TRIM75: variants seen among roughly 807,000 people sequenced by gnomAD.
The protein encoded by TRIM75 is tripartite motif-containing protein 75.
the TRIM75 span, among the ~76,000 whole-genome samples, chr4:165,058,356 T>G: frequency 6.6e-6 from 1 of 152,006 alleles, no homozygotes; most frequent in African/African-American, 2.4e-5. Context: ...ATTTTTTTAT[T>G]TTTTTATTTT....
chr4:165,058,961 G>A, the TRIM75 span, among the ~76,000 whole-genome samples: 6 of 152,140 alleles, frequency 3.9e-5, no homozygotes, highest in Non-Finnish European at 4.4e-5. Context: ...TAAAGGGTCC[G>A]AAGATTCAAA....
the TRIM75 span, chr4:165,060,365 A>G: frequency 1.3e-6 from 1 of 780,920 alleles, no homozygotes; most frequent in Non-Finnish European, 2.4e-6. Flanking sequence ...CTCTGTTGTT[A>G]GAGGTGAAAG....
chr4:165,059,588 C>A, the TRIM75 span: 1 of 780,778 alleles, frequency 1.3e-6, no homozygotes, highest in Non-Finnish European at 2.4e-6. Flanking sequence ...TCTGCAGTTA[C>A]ATCCAGCCCC....
At chr4:165,055,387 TG>T in the TRIM75 span, among the ~76,000 whole-genome samples, 1 of 151,126 alleles carries the variant, frequency 6.6e-6, no homozygotes, top group African/African-American at 2.4e-5. Flanking sequence ...CAGGTTCAAG[TG>T]ATTCCCCTGC....
chr4:165,059,466 T>C, the TRIM75 span: 1 of 780,858 alleles, frequency 1.3e-6, no homozygotes. Flanking sequence ...CCTGAGCGTT[T>C]TCTGCAAGGA....
At chr4:165,059,193 T>G in the TRIM75 span, 1 of 779,996 alleles carries the variant, frequency 1.3e-6, no homozygotes, top group Non-Finnish European at 2.4e-6. Context: ...AGAAGCTAAG[T>G]GCTCCATCTG....
the TRIM75 span, among the ~76,000 whole-genome samples, chr4:165,053,912 C>T: frequency 4.6e-5 from 7 of 151,346 alleles, no homozygotes; most frequent in Admixed American, 1.3e-4. Context: ...GCCTTTTGCA[C>T]GGATAAAGGA....
the TRIM75 span, among the ~76,000 whole-genome samples, chr4:165,055,923 C>CTTTT: frequency 7.4e-6 from 1 of 135,614 alleles, no homozygotes; most frequent in Non-Finnish European, 1.6e-5. Context: ...CTCTCTCTCC[C>CTTTT]TTTTTTTTTT....
At chr4:165,059,733 C>T in the TRIM75 span, 15 of 780,698 alleles carry the variant, frequency 1.9e-5, 1 homozygote, top group African/African-American at 6.8e-5. Flanking sequence ...GTTTTTAGAC[C>T]GTGAGCAACA....
chr4:165,060,353 C>A, the TRIM75 span: 3 of 780,906 alleles, frequency 3.8e-6, no homozygotes, highest in South Asian at 4.0e-5. Context: ...CTTTTCCAAC[C>A]CCTCTGTTGT....
chr4:165,058,115 T>C, the TRIM75 span, among the ~76,000 whole-genome samples: 1 of 152,116 alleles, frequency 6.6e-6, no homozygotes, highest in African/African-American at 2.4e-5. Context: ...GAAGCAAGGA[T>C]GTAAGAGCAA....
the TRIM75 span, chr4:165,059,515 CT>C: frequency 1.3e-6 from 1 of 780,926 alleles, no homozygotes; most frequent in East Asian, 2.4e-5. Context: ...ACTCAGCCCC[CT>C]GACCACCAGG....
the TRIM75 span, chr4:165,060,535 C>G: frequency 1.3e-6 from 1 of 762,212 alleles, no homozygotes; most frequent in South Asian, 1.4e-5. Context: ...AGAATCTGTA[C>G]AGGGACAGTT....
the TRIM75 span, chr4:165,060,473 T>C: frequency 3.8e-6 from 3 of 780,358 alleles, no homozygotes; most frequent in Admixed American, 5.1e-5. Context: ...CTGACACTTT[T>C]ACTGGGCCTC....
the TRIM75 span, among the ~76,000 whole-genome samples, chr4:165,056,529 T>C: frequency 5.3e-5 from 8 of 151,544 alleles, no homozygotes; most frequent in Non-Finnish European, 1.2e-4. Flanking sequence ...TTCCGAAACC[T>C]TTCTGGGCAT....
At chr4:165,058,028 G>A in the TRIM75 span, among the ~76,000 whole-genome samples, 1 of 151,886 alleles carries the variant, frequency 6.6e-6, no homozygotes, top group Non-Finnish European at 1.5e-5. Flanking sequence ...CGCAAATTTT[G>A]TTTATATTCA....
chr4:165,060,225 G>A, the TRIM75 span: 26 of 780,812 alleles, frequency 3.3e-5, no homozygotes, highest in Non-Finnish European at 5.5e-5. Flanking sequence ...GGATAAGTCA[G>A]AATGGGCTAT....
chr4:165,057,433 A>G, the TRIM75 span, among the ~76,000 whole-genome samples: 1 of 152,200 alleles, frequency 6.6e-6, no homozygotes, highest in Admixed American at 6.5e-5. Context: ...ATATTTGTAT[A>G]TATGTTTGAA....
the TRIM75 span, among the ~76,000 whole-genome samples, chr4:165,053,913 G>C: frequency 6.6e-6 from 1 of 151,466 alleles, no homozygotes; most frequent in Non-Finnish European, 1.5e-5. Flanking sequence ...CCTTTTGCAC[G>C]GATAAAGGAC....
Sources: gnomAD v4.1 joint callset for allele counts (sites outside exome capture counted in the v4.1 genomes callset) on GRCh38, gnomAD v4.1.1 for gene constraint, MANE v1.5 for transcripts, NCBI Gene and HGNC (gene_info 2026-07-23, HGNC 2026-07-21) for gene names.